The following HDAC8 variants were observed in gnomAD, a reference collection of about 807,000 sequenced individuals.
HDAC8 encodes the protein histone deacetylase 8.
HDAC8 carries 1 observed loss-of-function variant against 32.2 expected under a neutral mutation model. That is an observed-to-expected ratio of 0.03 (90% CI 0.01 to 0.15). HDAC8 has a LOEUF of 0.15. Among genes scored for constraint, HDAC8 ranks in the 10% least tolerant of loss-of-function variants. HDAC8 has a pLI of 1.00. For synonymous variants in HDAC8, 108 were observed against 113.9 expected, an observed-to-expected ratio of 0.95 and a Z score of 0.33; for missense variants, 117 against 300.0, an observed-to-expected ratio of 0.39 and a Z score of 4.51.
intron 9 of HDAC8, among the ~76,000 whole-genome samples, chrX:72,409,858 G>T (rs1201282327): frequency 8.9e-6 from 1 of 112,560 alleles, no homozygotes; most frequent in Non-Finnish European, 1.9e-5. Context: ...TGAGGGCAGA[G>T]ACCTTGTCCT....
chrX:72,522,140 T>A (rs1049663875), intron 4 of HDAC8, among the ~76,000 whole-genome samples: 1 of 111,975 alleles, frequency 8.9e-6, no homozygotes, highest in Non-Finnish European at 1.9e-5. Flanking sequence ...ACACCTGGGG[T>A]AAGCCACTAA....
chrX:72,395,405 G>A (rs2045733972), intron 9 of HDAC8, among the ~76,000 whole-genome samples: 1 of 111,743 alleles, frequency 8.9e-6, no homozygotes, highest in African/African-American at 3.3e-5. Flanking sequence ...ATAAAAGTGA[G>A]AGGCAGCCAG....
chrX:72,411,596 G>A (rs1311642880), intron 9 of HDAC8, among the ~76,000 whole-genome samples: 13 of 112,197 alleles, frequency 1.2e-4, no homozygotes, highest in African/African-American at 4.2e-4. Context: ...CCAGCAAATA[G>A]TGAGAGGTCA....
chrX:72,464,515 T>C, intron 8 of HDAC8, 44 bp downstream of exon 8: 3 of 1,092,902 alleles, frequency 2.7e-6, no homozygotes, highest in Non-Finnish European at 1.3e-6. Context: ...GGACAAAATG[T>C]GGAGGAAGGT....
intron 4 of HDAC8, among the ~76,000 whole-genome samples, chrX:72,510,348 C>T (rs184858878): frequency 1.7e-4 from 19 of 111,854 alleles, no homozygotes; most frequent in African/African-American, 4.2e-4. Flanking sequence ...TGATTCTACA[C>T]AGTTCTCACT....
rs782202924 is a variant in HDAC8, at chrX:72,355,206, G to A, written c.1006-3368C>T. On this transcript the variant is annotated intron_variant, in intron 9 of 10. Coordinates refer to ENST00000373573, the MANE Select transcript of HDAC8 (RefSeq NM_018486.3). ...CGAGGTGGAAAGGAAATATGATCACGTAAGGCAAAAGAGATGTTGGAGTGG... is the reference window on the plus strand; with the variant it reads ...CGAGGTGGAAAGGAAATATGATCACATAAGGCAAAAGAGATGTTGGAGTGG... Among the ~76,000 whole-genome samples, 3 of 112,278 alleles carry A rather than the reference G, an allele frequency of 2.7e-5. No homozygotes were observed. The South Asian group carries it at 1.1e-3, about 42-fold the overall frequency.
At chrX:72,468,535 C>G (rs2048082927) in intron 7 of HDAC8, among the ~76,000 whole-genome samples, 1 of 111,971 alleles carries the variant, frequency 8.9e-6, no homozygotes, top group African/African-American at 3.2e-5. Flanking sequence ...TCTTTTGAGT[C>G]AATGTCATTT....
intron 2 of HDAC8, 43 bp from the exon 3 acceptor site, chrX:72,568,927 C>T (rs782083496): frequency 3.4e-6 from 4 of 1,167,729 alleles, no homozygotes; most frequent in Non-Finnish European, 4.6e-6. Context: ...GTGAGTCAGA[C>T]CCAGCGTATG....
At chrX:72,394,007 C>T (rs1382481011) in intron 9 of HDAC8, among the ~76,000 whole-genome samples, 2 of 110,987 alleles carry the variant, frequency 1.8e-5, no homozygotes, top group Non-Finnish European at 3.8e-5. Flanking sequence ...AGTCCAGTTA[C>T]TCTGTGCAGA....
intron 4 of HDAC8, among the ~76,000 whole-genome samples, chrX:72,541,684 A>C (rs1447811990): frequency 8.9e-6 from 1 of 111,998 alleles, no homozygotes; most frequent in African/African-American, 3.2e-5. Context: ...AGAGGTGGTC[A>C]GATTCTGGAT....
chrX:72,365,006 G>C (rs897132748), intron 9 of HDAC8, among the ~76,000 whole-genome samples: 1 of 112,101 alleles, frequency 8.9e-6, no homozygotes, highest in Non-Finnish European at 1.9e-5. Context: ...TCTCAGGGGA[G>C]AGCCCGATAG....
chrX:72,355,729 A>G (rs1324863824), intron 9 of HDAC8, among the ~76,000 whole-genome samples: 2 of 111,921 alleles, frequency 1.8e-5, no homozygotes, highest in Non-Finnish European at 3.8e-5. Context: ...AGCGGCATAC[A>G]ATTAGATAGT....
chrX:72,454,750 T>C (rs2047677113), intron 9 of HDAC8, among the ~76,000 whole-genome samples: 1 of 112,561 alleles, frequency 8.9e-6, no homozygotes, highest in Admixed American at 9.4e-5. Flanking sequence ...ATGTTATAGG[T>C]AAGTTATTTT....
rs782158689 is a variant in HDAC8, at chrX:72,351,094, A to C, written c.1111+639T>G. Among the ~76,000 whole-genome samples the C allele has an allele frequency of 5.5e-4, 61 of 111,030 alleles. No individual in the cohort carries two copies. In the South Asian group the frequency reaches 0.023, roughly 42 times the overall value. ...CCCCTCCCCACCCCTGCTAAGTCTG[A>C]ATTGACTTGAATTTTCCTCTTTTTT... On this transcript the variant is annotated intron_variant, in intron 10 of 10. Transcript: ENST00000373573.
At chrX:72,384,645 T>C (rs1176864148) in intron 9 of HDAC8, among the ~76,000 whole-genome samples, 1 of 112,156 alleles carries the variant, frequency 8.9e-6, no homozygotes, top group African/African-American at 3.2e-5. Flanking sequence ...AAAAAGTCTG[T>C]TACATTCTAG....
At chrX:72,468,023 T>C in intron 7 of HDAC8, 1 of 1,180,267 alleles carries the variant, frequency 8.5e-7, no homozygotes, top group African/African-American at 1.8e-5. Context: ...TGGATGGGTA[T>C]TGAAAAGGTT....
chrX:72,338,749 C>T (rs1488472224), intron 10 of HDAC8, among the ~76,000 whole-genome samples: 1 of 98,467 alleles, frequency 1.0e-5, no homozygotes, highest in African/African-American at 3.7e-5. Flanking sequence ...GGGTTATTAA[C>T]TCACTTTTAA....
At chrX:72,443,306 G>A (rs2047241519) in intron 9 of HDAC8, among the ~76,000 whole-genome samples, 1 of 110,152 alleles carries the variant, frequency 9.1e-6, no homozygotes, top group African/African-American at 3.3e-5. Flanking sequence ...CTCAGCAAAT[G>A]TAAAAGAACA....
chrX:72,359,511 A>G (rs1461082493), intron 9 of HDAC8, among the ~76,000 whole-genome samples: 1 of 110,727 alleles, frequency 9.0e-6, no homozygotes, highest in African/African-American at 3.3e-5. Flanking sequence ...GGGGAAGAGC[A>G]AGTGCTGTTA....
Sources: gnomAD v4.1 joint callset for allele counts (sites outside exome capture counted in the v4.1 genomes callset) on GRCh38, gnomAD v4.1.1 for gene constraint, MANE v1.5 for transcripts, NCBI Gene and HGNC (gene_info 2026-07-23, HGNC 2026-07-21) for gene names.